TP63: variants seen among roughly 807,000 people sequenced by gnomAD.
TP63 encodes tumor protein p63.
In TP63, 17 loss-of-function variants were observed where a neutral mutation model predicts 82.8. That is an observed-to-expected ratio of 0.21 (90% CI 0.14 to 0.31). The LOEUF (loss-of-function observed/expected upper bound fraction) is 0.31, where lower values mean the gene tolerates loss of function less well. TP63 is among the 10% of genes least tolerant of loss of function. The pLI is 1.00. For synonymous variants in TP63, 330 were observed against 321.7 expected, an observed-to-expected ratio of 1.03 and a Z score of -0.28; for missense variants, 648 against 895.3, an observed-to-expected ratio of 0.72 and a Z score of 3.52.
At chr3:189,840,609 C>G (rs1328537403) in intron 4 of TP63, among the ~76,000 whole-genome samples, 1 of 151,520 alleles carries the variant, frequency 6.6e-6, no homozygotes, top group African/African-American at 2.4e-5. Flanking sequence ...GCCTATAATT[C>G]CAGCACTTTG....
rs186334787 is a variant in TP63 at position 189,652,709 on chromosome 3, A to T, written c.62+21132A>T. Among the ~76,000 whole-genome samples, 57 of 146,964 alleles carry T rather than the reference A, an allele frequency of 3.9e-4. 20 individuals carry two copies. The East Asian group carries it at 0.013, about 33-fold the overall frequency. ...TGTCATCTTGAATTTTAGTTCCCAT[A>T]ATCCCCACGTGTCATGGGAGGGATC... On this transcript the variant is annotated intron_variant, in intron 1 of 13. Transcript: ENST00000264731.
chr3:189,742,800 GTAGT>G (rs1349605968), intron 3 of TP63, among the ~76,000 whole-genome samples: 1 of 152,170 alleles, frequency 6.6e-6, no homozygotes, highest in African/African-American at 2.4e-5. Flanking sequence ...TCTATGAAAA[GTAGT>G]TAGATATATG....
intron 10 of TP63, among the ~76,000 whole-genome samples, chr3:189,882,800 C>T (rs372300683): frequency 3.3e-5 from 5 of 152,162 alleles, no homozygotes; most frequent in African/African-American, 9.7e-5. Flanking sequence ...CCACTTCTCG[C>T]TTTTCAATTT....
intron 1 of TP63, among the ~76,000 whole-genome samples, chr3:189,644,586 T>A (rs1277660773): frequency 2.6e-5 from 4 of 152,068 alleles, no homozygotes; most frequent in Non-Finnish European, 5.9e-5. Flanking sequence ...CATGGATACG[T>A]TTTTTAATGC....
intron 1 of TP63, among the ~76,000 whole-genome samples, chr3:189,677,354 ATAAT>A (rs943821091): frequency 3.0e-4 from 44 of 147,166 alleles, no homozygotes; most frequent in Non-Finnish European, 5.2e-4. Context: ...ATATATATAA[ATAAT>A]TATATATTTA....
chr3:189,671,436 G>T (rs565471456), intron 1 of TP63, among the ~76,000 whole-genome samples: 2 of 152,036 alleles, frequency 1.3e-5, no homozygotes, highest in African/African-American at 2.4e-5. Flanking sequence ...CACATTCTTG[G>T]TTGGAAGATA....
At chr3:189,674,522 A>AT (rs887653354) in intron 1 of TP63, among the ~76,000 whole-genome samples, 8 of 152,220 alleles carry the variant, frequency 5.3e-5, no homozygotes, top group Non-Finnish European at 1.0e-4. Context: ...GCAATGAGGG[A>AT]TTTTTTTCCA....
At position 189,750,229 on chromosome 3, in the gene TP63, T is replaced by C. The variant is rs1439972308; in HGVS notation, c.324+11455T>C. Among the ~76,000 whole-genome samples, 3 of 150,874 alleles carry C rather than the reference T, an allele frequency of 2.0e-5. No individual in the cohort carries two copies. The Admixed American group carries it at 2.0e-4, about 10-fold the overall frequency. ...GAAATAAGGCACAGAAAGACAAATA[T>C]TGTAAGTTCTCACTCATATGTAGGA... On this transcript the variant is annotated intron_variant, in intron 3 of 13. Coordinates refer to ENST00000264731, the MANE Select transcript of TP63 (RefSeq NM_003722.5).
At chr3:189,799,844 G>T (rs955645172) in intron 3 of TP63, among the ~76,000 whole-genome samples, 9 of 152,200 alleles carry the variant, frequency 5.9e-5, no homozygotes, top group Admixed American at 5.9e-4. Context: ...GAATAAAAGA[G>T]ATACTTTCTG....
chr3:189,601,666 A>G, the TP63 span, among the ~76,000 whole-genome samples: 3 of 152,124 alleles, frequency 2.0e-5, no homozygotes, highest in Non-Finnish European at 4.4e-5. Flanking sequence ...TCATATTCAC[A>G]TTATTCAACT....
chr3:189,891,558 A>G (rs772179475), intron 13 of TP63, among the ~76,000 whole-genome samples: 8 of 152,230 alleles, frequency 5.3e-5, no homozygotes, highest in Non-Finnish European at 8.8e-5. Context: ...TTTAGTAGCA[A>G]TGAGAACTTG....
At chr3:189,797,138 T>C (rs895508516) in intron 3 of TP63, among the ~76,000 whole-genome samples, 3 of 152,116 alleles carry the variant, frequency 2.0e-5, no homozygotes, top group Non-Finnish European at 4.4e-5. Flanking sequence ...ATCTTGTCTG[T>C]ATTTCTTAAA....
At chr3:189,682,093 TGTG>T (rs1347347924) in intron 1 of TP63, among the ~76,000 whole-genome samples, 6 of 152,182 alleles carry the variant, frequency 3.9e-5, no homozygotes, top group African/African-American at 1.4e-4. Context: ...ATTAGCTAGG[TGTG>T]GTGGTACACA....
intron 1 of TP63, among the ~76,000 whole-genome samples, chr3:189,690,165 C>A (rs900112377): frequency 6.6e-5 from 10 of 152,146 alleles, no homozygotes; most frequent in African/African-American, 2.4e-4. Context: ...TCCTGGTAAA[C>A]CTTTTCAGTA....
chr3:189,740,619 C>A (rs929379313), intron 3 of TP63, among the ~76,000 whole-genome samples: 2 of 151,982 alleles, frequency 1.3e-5, no homozygotes, highest in African/African-American at 4.8e-5. Context: ...CCTGCCTCAG[C>A]CTCCTGAGTA....
intron 3 of TP63, among the ~76,000 whole-genome samples, chr3:189,792,441 CTG>C (rs1576967053): frequency 6.6e-6 from 1 of 151,980 alleles, no homozygotes. Context: ...CAAAACTGGG[CTG>C]TGTGTGTGGT....
chr3:189,744,529 G>T (rs1721227935), intron 3 of TP63, among the ~76,000 whole-genome samples: 1 of 152,156 alleles, frequency 6.6e-6, no homozygotes, highest in Non-Finnish European at 1.5e-5. Context: ...ATTGGCAGCT[G>T]AGCATTCCTT....
chr3:189,875,585 A>AATAC (rs1284476272), intron 10 of TP63, among the ~76,000 whole-genome samples: 3 of 29,774 alleles, frequency 1.0e-4, no homozygotes, highest in South Asian at 1.1e-3. Flanking sequence ...AAGAAAAAAA[A>AATAC]ATACATACAT....
chr3:189,635,879 T>C (rs908977034), intron 1 of TP63, among the ~76,000 whole-genome samples: 30 of 152,072 alleles, frequency 2.0e-4, no homozygotes, highest in Non-Finnish European at 2.9e-5. Context: ...TCCAAAATAA[T>C]TGATATAGTA....
Sources: allele counts gnomAD v4.1 joint callset (sites outside exome capture counted in the v4.1 genomes callset), GRCh38; gene constraint gnomAD v4.1.1; transcripts MANE v1.5; gene names NCBI Gene and HGNC (gene_info 2026-07-23, HGNC 2026-07-21).